The following MAX variants were observed in gnomAD, a reference collection of about 807,000 sequenced individuals.
MAX encodes MYC associated transcriptional regulator X.
Under a neutral mutation model 22.3 loss-of-function variants are expected in MAX, and 3 were observed. The observed-to-expected ratio is 0.13, with a 90% CI of 0.06 to 0.35. The LOEUF (loss-of-function observed/expected upper bound fraction) is 0.35. Among genes scored for constraint, MAX ranks in the 10% least tolerant of loss-of-function variants. The probability of loss-of-function intolerance (pLI) is 1.00; values close to 1 mark genes in which losing one functional copy is unlikely to be tolerated. For synonymous variants in MAX, 72 were observed against 77.7 expected (o/e 0.93, Z 0.39); for missense variants, 119 against 209.4 (o/e 0.57, Z 2.66).
In MAX at chr14:65,068,226, G is replaced by A. The variant is rs565129354; in HGVS notation, c.171+25482C>T. ...GAGGCAGGTGGATCACTTGAGGTCA[G>A]GAGTTCGAGACCAGCCTGGCCAACA... On this transcript the variant is annotated intron_variant, in intron 3 of 3. Transcript: ENST00000341653. 2.0e-5 allele frequency among the ~76,000 whole-genome samples: 3 copies of A among 152,226 alleles called. No individual in the cohort carries two copies. In the East Asian group the frequency reaches 5.8e-4, roughly 30 times the overall value.
At chr14:65,036,009 G>A (rs938734660) in intron 3 of MAX, among the ~76,000 whole-genome samples, 3 of 151,892 alleles carry the variant, frequency 2.0e-5, no homozygotes, top group African/African-American at 4.8e-5. Flanking sequence ...TTTTTAAAAT[G>A]TCTTGTAAAG....
rs1340235104 is a variant in MAX at position 65,026,880 on chromosome 14, A to AC, written c.172-20597dup. Among the ~76,000 whole-genome samples, 11 of 152,222 alleles carry AC rather than the reference A, an allele frequency of 7.2e-5. No homozygotes were observed. The East Asian group carries it at 2.1e-3, about 29-fold the overall frequency. On this transcript the variant is annotated intron_variant, in intron 3 of 3. Coordinates refer to the MAX transcript ENST00000341653. ...CCGCCTCAAAAAAAAAAACAAAAAA[A>AC]CAAAACTTGCTTCTTACTGGTGGAG...
chr14:65,057,347 T>G (rs993114630), intron 3 of MAX, among the ~76,000 whole-genome samples: 4 of 152,176 alleles, frequency 2.6e-5, no homozygotes, highest in African/African-American at 9.7e-5. Flanking sequence ...GAGAATCGCT[T>G]GAGCCCAGGT....
chr14:65,052,482 T>A (rs2139671992), intron 3 of MAX, among the ~76,000 whole-genome samples: 1 of 152,362 alleles, frequency 6.6e-6, no homozygotes, highest in South Asian at 2.1e-4. Flanking sequence ...ATATTTTTAA[T>A]CGATTTCTAT....
rs774124652 is a variant in MAX, at chr14:65,061,136, A to G, written c.171+32572T>C. ...GAGCAAAGGATGTGTTATGTTTTCA[A>G]GGACCACCGGGGTGATTAACTGGCA... On this transcript the variant is annotated intron_variant, in intron 3 of 3. Coordinates refer to the MAX transcript ENST00000341653. 6 of 1,603,830 alleles carry G rather than the reference A, an allele frequency of 3.7e-6. No individual in the cohort carries two copies. In the African/African-American group the frequency reaches 4.0e-5, roughly 11 times the overall value.
At chr14:65,037,953 CG>C (rs899823422) in intron 3 of MAX, among the ~76,000 whole-genome samples, 5 of 151,130 alleles carry the variant, frequency 3.3e-5, no homozygotes, top group Non-Finnish European at 7.4e-5. Context: ...CTAATTTTTA[CG>C]GGGTTTCGCC....
chr14:65,044,443 G>A lies in MAX; in HGVS notation c.172-38159C>T, dbSNP rs2062429768. ...GCTCCACCGCGCACTGCACGCCCAAGGTGAGCCTGGGGAGCTGTTCACTTG... is the reference window on the plus strand; with the variant it reads ...GCTCCACCGCGCACTGCACGCCCAAAGTGAGCCTGGGGAGCTGTTCACTTG... On this transcript the variant is annotated intron_variant, in intron 3 of 3. Transcript: ENST00000341653. This position sits in a 1 kb window ranked among gnomAD's most constrained non-coding sequence, Gnocchi z 5.5. 6 of 1,605,670 alleles carry A rather than the reference G, an allele frequency of 3.7e-6. No homozygotes were observed. Among genetic ancestry groups the A allele is most frequent in the African/African-American group, 1.3e-5 (1 of 74,504 alleles).
At chr14:65,034,130 C>A (rs1439998867) in intron 3 of MAX, among the ~76,000 whole-genome samples, 1 of 152,164 alleles carries the variant, frequency 6.6e-6, no homozygotes, top group Non-Finnish European at 1.5e-5. Context: ...TTACTCTAAA[C>A]ATAGTCAAAC....
chr14:65,097,303 A>G (rs924160402), intron 2 of MAX, among the ~76,000 whole-genome samples: 6 of 152,226 alleles, frequency 3.9e-5, no homozygotes, highest in African/African-American at 1.4e-4. Context: ...GTCTGTTCAA[A>G]ATTGAGGGAA....
Position 65,082,353 on chromosome 14 carries a change from T to C in MAX, c.172-4317A>G, listed in dbSNP as rs977193144. 1 of 152,222 alleles carries C rather than the reference T, an allele frequency of 6.6e-6. No homozygotes were observed. Among genetic ancestry groups the C allele is most frequent in the African/African-American group, 2.4e-5 (1 of 41,452 alleles). The allele number at this position is 152,222 out of a possible 1,614,324, so 9.4% of individuals were successfully genotyped here. A position where few individuals can be genotyped will look rare whatever the true frequency, so the allele number is the denominator to read the frequency against. The stretch of plus-strand genomic sequence containing the variant: ...TGGAAGACCCTAGTGAAGGTGGTTT[T>C]CTTGGAGGAGTGACAGCCGAAGCCC... On this transcript the variant is annotated intron_variant, in intron 3 of 4. Transcript: ENST00000358664. The surrounding 1 kb of genome is among the most constrained non-coding windows in gnomAD (Gnocchi z 4.8).
At position 65,102,400 on chromosome 14, in the gene MAX, AG is replaced by A. The variant is rs2139979191; in HGVS notation, c.-62del. The A allele has an allele frequency of 6.3e-7, 1 of 1,588,866 alleles. No individual in the cohort carries two copies. The highest frequency in any genetic ancestry group is 8.6e-7 in the Non-Finnish European group (1 of 1,168,842). ...GCGGGGAGGGGAAGGGGTGAAGGGG[AG>A]GGGGAAGTCACCGACAACAACAAGC... On this transcript the variant is annotated 5_prime_UTR_variant, in exon 1 of 5. Transcript: ENST00000358664.
intron 3 of MAX, among the ~76,000 whole-genome samples, chr14:65,021,463 T>G (rs1008606892): frequency 2.6e-5 from 4 of 152,210 alleles, no homozygotes; most frequent in African/African-American, 7.2e-5. Context: ...GTATGTTTCC[T>G]TACCTTTCAG....
rs558419999 is a variant in MAX, at chr14:65,102,467, G to A, written c.-128C>T. ...CACACACTCACTCACTCACTCACTC[G>A]CTCTCTCACTCACACACACACACAA... On this transcript the variant is annotated 5_prime_UTR_variant, in exon 1 of 5. Transcript: ENST00000358664. 4 of 1,523,250 alleles carry A rather than the reference G, an allele frequency of 2.6e-6. No individual in the cohort carries two copies. Among genetic ancestry groups the A allele is most frequent in the South Asian group, 1.2e-5 (1 of 80,854 alleles). The allele number at this position is 1,523,250 out of a possible 1,614,324, so 94.4% of individuals were successfully genotyped here.
At chr14:65,067,793 A>ATTT (rs59262877) in intron 3 of MAX, among the ~76,000 whole-genome samples, 1 of 123,162 alleles carries the variant, frequency 8.1e-6, no homozygotes, top group South Asian at 2.7e-4. Flanking sequence ...AGCTAATTAC[A>ATTT]TTTTTTTTTT....
intron 3 of MAX, among the ~76,000 whole-genome samples, chr14:65,056,367 T>C (rs2062737253): frequency 6.6e-6 from 1 of 152,216 alleles, no homozygotes; most frequent in African/African-American, 2.4e-5. Context: ...GTGGTATCTG[T>C]CTCATTGGGT....
chr14:65,101,267 G>C (rs1644686117), intron 2 of MAX, among the ~76,000 whole-genome samples: 1 of 152,102 alleles, frequency 6.6e-6, no homozygotes, highest in Admixed American at 6.6e-5. Flanking sequence ...TTACATAGTG[G>C]CATCTGGATC....
rs1481596704 is a variant in MAX at position 65,012,170 on chromosome 14, C to A, written c.172-5886G>T. ...TCTCTGGTTTAGTTGCTCTTTGGAA[C>A]CAGAGAAGTTGCTGGTTATCCAGTC... On this transcript the variant is annotated intron_variant, in intron 3 of 3. Transcript: ENST00000341653. The surrounding 1 kb of genome is among the most constrained non-coding windows in gnomAD (Gnocchi z 5.0). The A allele has an allele frequency of 1.1e-6, 1 of 881,620 alleles. No homozygotes were observed. Among genetic ancestry groups the A allele is most frequent in the Non-Finnish European group, 1.7e-6 (1 of 571,934 alleles). The allele number at this position is 881,620 out of a possible 1,614,324, so 54.6% of individuals were successfully genotyped here. A position where few individuals can be genotyped will look rare whatever the true frequency, so the allele number is the denominator to read the frequency against.
chr14:65,056,161 A>G (rs1722358484), intron 3 of MAX, among the ~76,000 whole-genome samples: 1 of 152,194 alleles, frequency 6.6e-6, no homozygotes, highest in Non-Finnish European at 1.5e-5. Context: ...AATGGTACCT[A>G]CTGTACCAGT....
At chr14:65,066,710 C>T (rs944662069) in intron 3 of MAX, among the ~76,000 whole-genome samples, 12 of 151,386 alleles carry the variant, frequency 7.9e-5, no homozygotes, top group Non-Finnish European at 4.4e-5. Flanking sequence ...CAAAATTAGC[C>T]GCGCATGGTG....
Sources: gnomAD v4.1 joint callset for allele counts (sites outside exome capture counted in the v4.1 genomes callset) on GRCh38, gnomAD v4.1.1 for gene constraint, Gnocchi (gnomAD v3.1) non-coding constraint, MANE v1.5 for transcripts, NCBI Gene and HGNC (gene_info 2026-07-23, HGNC 2026-07-21) for gene names.